SOS1: variants seen among roughly 807,000 people sequenced by gnomAD.
The protein encoded by SOS1 is son of sevenless homolog 1.
A neutral mutation model predicts 157.6 loss-of-function variants in SOS1; 25 were observed. The observed-to-expected ratio is 0.16, with a 90% CI of 0.12 to 0.22. SOS1 has a LOEUF of 0.22. SOS1 is among the 10% of genes least tolerant of loss of function. The pLI is 1.00. For missense variants in SOS1, 1,237 were observed against 1,599.1 expected, an observed-to-expected ratio of 0.77 and a Z score of 3.86; for synonymous variants, 528 against 534.0, an observed-to-expected ratio of 0.99 and a Z score of 0.16.
intron 3 of SOS1, 147 bp from the exon 4 acceptor site, chr2:39,057,013 C>G: frequency 1.5e-6 from 1 of 665,524 alleles, no homozygotes; most frequent in Non-Finnish European, 2.6e-6. Context: ...GTAAGTGGTT[C>G]AACAATGAAT....
chr2:39,071,041 T>C (rs1408330562), intron 1 of SOS1, among the ~76,000 whole-genome samples: 1 of 152,066 alleles, frequency 6.6e-6, no homozygotes, highest in Non-Finnish European at 1.5e-5. Context: ...TTTTTTTTAG[T>C]ATTTTTAGTA....
chr2:38,995,084 TAACA>T (rs757424239), intron 20 of SOS1, 35 bp downstream of exon 20: 1 of 1,585,056 alleles, frequency 6.3e-7, no homozygotes, highest in Non-Finnish European at 8.7e-7. Context: ...TGTATAGTAC[TAACA>T]AATACCTTAA....
chr2:39,067,282 G>A (rs1250911171), intron 2 of SOS1, among the ~76,000 whole-genome samples: 3 of 152,078 alleles, frequency 2.0e-5, no homozygotes, highest in African/African-American at 7.2e-5. Flanking sequence ...CCAAAGTGCT[G>A]GGATTACAGG....
intron 1 of SOS1, among the ~76,000 whole-genome samples, chr2:39,101,544 T>G (rs1016252974): frequency 6.6e-6 from 1 of 152,228 alleles, no homozygotes; most frequent in African/African-American, 2.4e-5. Context: ...TATACCTGGT[T>G]TGAATTATAT....
intron 17 of SOS1, among the ~76,000 whole-genome samples, chr2:39,005,350 T>C (rs1238527115): frequency 3.3e-5 from 5 of 151,896 alleles, no homozygotes; most frequent in Non-Finnish European, 5.9e-5. Context: ...TACAGAAAAA[T>C]AGTATAAATG....
rs1572823469 is a variant in SOS1 at position 39,014,679 on chromosome 2, T to C, written c.1940+86A>G. 1.6e-5 allele frequency: 11 copies of C among 676,112 alleles called. No homozygotes were observed. The South Asian group carries it at 1.9e-4, about 12-fold the overall frequency. 41.9% of individuals were successfully genotyped at this position (676,112 alleles called of 1,614,324 possible). ...GTGCTTGTGAAGTATATTTTAAAGC[T>C]CATCTAACATTTCTGAAAAGGATCT... On this transcript the variant is annotated intron_variant, in intron 11 of 22. Coordinates refer to ENST00000402219, the MANE Select transcript of SOS1 (RefSeq NM_005633.4).
chr2:39,032,817 C>T (rs868091116), intron 8 of SOS1, among the ~76,000 whole-genome samples: 14 of 152,050 alleles, frequency 9.2e-5, no homozygotes, highest in African/African-American at 3.1e-4. Flanking sequence ...CAAAATTAGT[C>T]GGCTGTGGTG....
At chr2:39,060,983 G>T (rs1671380358) in intron 2 of SOS1, among the ~76,000 whole-genome samples, 1 of 151,550 alleles carries the variant, frequency 6.6e-6, no homozygotes, top group South Asian at 2.1e-4. Context: ...CTAATTGTAG[G>T]CAGGGGTTGA....
chr2:39,011,826 G>A (rs1462442897), intron 14 of SOS1, among the ~76,000 whole-genome samples: 1 of 152,118 alleles, frequency 6.6e-6, no homozygotes, highest in South Asian at 2.1e-4. Context: ...AAAATAAGGG[G>A]CAGAAGGATA....
At chr2:39,120,220 G>A (rs944972537) in intron 1 of SOS1, 116 bp downstream of exon 1, 10 of 922,528 alleles carry the variant, frequency 1.1e-5, no homozygotes, top group Admixed American at 3.6e-5. Flanking sequence ...TCCTTTTGGA[G>A]ACGCGGCGAG....
chr2:39,120,389 T>C lies in SOS1; in HGVS notation c.34A>G (p.Ser12Gly), dbSNP rs751776207. 22 of 1,601,154 alleles carry C rather than the reference T, an allele frequency of 1.4e-5. No homozygotes were observed. Among genetic ancestry groups the C allele is most frequent in the East Asian group, 2.3e-5 (1 of 43,824 alleles). ...QAQQLPYEFF[S>G]EENAPKWRGL... ...CGCCACTTGGGCGCGTTCTCTTCGC[T>C]GAAAAACTCGTAGGGCAGCTGCTGC... The change falls in exon 1 of 23, where the codon AGC becomes GGC. Residue 12 changes from serine (S) to glycine (G), a missense_variant. This residue lies in a region of SOS1 where 99 missense variants were observed against 81.6 expected (regional missense o/e 1.21). Transcript: ENST00000402219.
intron 2 of SOS1, among the ~76,000 whole-genome samples, chr2:39,062,015 C>T (rs145017604): frequency 3.8e-4 from 58 of 151,386 alleles, no homozygotes; most frequent in Middle Eastern, 3.4e-3. Flanking sequence ...AAAATCAGAT[C>T]CCCACATACT....
At chr2:38,992,323 T>A (rs1373428234) in intron 20 of SOS1, 1 of 152,210 alleles carries the variant, frequency 6.6e-6, no homozygotes, top group African/African-American at 2.4e-5. Context: ...AATCAGTTAT[T>A]TTCAGTTTTT....
At chr2:38,998,130 C>A (rs1668960527) in intron 17 of SOS1, among the ~76,000 whole-genome samples, 1 of 152,194 alleles carries the variant, frequency 6.6e-6, no homozygotes. Flanking sequence ...ATCACTACAG[C>A]TGTACACTGG....
At chr2:39,037,600 G>C (rs1236753876) in intron 6 of SOS1, among the ~76,000 whole-genome samples, 1 of 136,624 alleles carries the variant, frequency 7.3e-6, no homozygotes, top group African/African-American at 2.8e-5. Context: ...ACTTTATTGT[G>C]CTTTGCATAT....
intron 17 of SOS1, among the ~76,000 whole-genome samples, chr2:39,005,218 T>C (rs1313847777): frequency 2.6e-5 from 4 of 152,202 alleles, no homozygotes; most frequent in African/African-American, 9.6e-5. Context: ...TCCCAAAATA[T>C]CTCATGTTTT....
intron 12 of SOS1, 27 bp downstream of exon 12, chr2:39,013,840 T>C: frequency 6.3e-7 from 1 of 1,599,502 alleles, no homozygotes; most frequent in South Asian, 1.1e-5. Context: ...GATAAAGACT[T>C]ATTTACTTCA....
At chr2:39,096,941 A>G (rs1672787604) in intron 1 of SOS1, among the ~76,000 whole-genome samples, 1 of 152,202 alleles carries the variant, frequency 6.6e-6, no homozygotes, top group Admixed American at 6.5e-5. Context: ...AAGCAATATA[A>G]AGAATTGCCA....
At chr2:39,095,669 G>T (rs1209190177) in intron 1 of SOS1, among the ~76,000 whole-genome samples, 1 of 152,152 alleles carries the variant, frequency 6.6e-6, no homozygotes, top group African/African-American at 2.4e-5. Context: ...GCCTTAATAG[G>T]AGTACTTGCT....
Sources: allele counts gnomAD v4.1 joint callset (sites outside exome capture counted in the v4.1 genomes callset), GRCh38; gene constraint gnomAD v4.1.1; regional missense constraint gnomAD v4.1.1; transcripts MANE v1.5; gene names NCBI Gene and HGNC (gene_info 2026-07-23, HGNC 2026-07-21).